Variants in PARD3 observed in about 807,000 individuals in gnomAD.
PARD3 encodes the protein partitioning defective 3 homolog.
Under a neutral mutation model 155.4 loss-of-function variants are expected in PARD3, and 75 were observed. That is an observed-to-expected ratio of 0.48 (90% CI 0.40 to 0.58). PARD3 has a LOEUF of 0.58. Ranked by LOEUF, PARD3 falls within the 20% of genes least tolerant of loss-of-function variation. PARD3 has a pLI of 0.00. For synonymous variants in PARD3, 576 were observed against 610.5 expected, an observed-to-expected ratio of 0.94 and a Z score of 0.83; for missense variants, 1,642 against 1,721.7, an observed-to-expected ratio of 0.95 and a Z score of 0.82.
At chr10:34,147,937 CA>C (rs1948597185) in intron 22 of PARD3, among the ~76,000 whole-genome samples, 1 of 152,066 alleles carries the variant, frequency 6.6e-6, no homozygotes, top group African/African-American at 2.4e-5. Flanking sequence ...AAGAATGGAG[CA>C]AAACATCTGC....
chr10:34,783,846 T>C (rs1318211827), intron 1 of PARD3, among the ~76,000 whole-genome samples: 2 of 152,058 alleles, frequency 1.3e-5, no homozygotes, highest in African/African-American at 2.4e-5. Context: ...AGACTATATA[T>C]GTAACAGCAA....
chr10:34,561,600 C>G, intron 2 of PARD3, among the ~76,000 whole-genome samples: 1 of 151,752 alleles, frequency 6.6e-6, no homozygotes, highest in East Asian at 2.0e-4. Flanking sequence ...CTCACTGCAA[C>G]CTCTGCCTCC....
chr10:34,204,646 A>T (rs1263382066), intron 22 of PARD3, among the ~76,000 whole-genome samples: 1 of 152,140 alleles, frequency 6.6e-6, no homozygotes, highest in Non-Finnish European at 1.5e-5. Context: ...CTTGGAACAC[A>T]TATTCAGATG....
At chr10:34,525,838 T>C (rs1309999392) in intron 2 of PARD3, among the ~76,000 whole-genome samples, 2 of 151,662 alleles carry the variant, frequency 1.3e-5, no homozygotes, top group Non-Finnish European at 2.9e-5. Flanking sequence ...ATTCCAGCAC[T>C]TTGGGAGGTA....
intron 2 of PARD3, among the ~76,000 whole-genome samples, chr10:34,637,388 C>A (rs1351455114): frequency 6.6e-6 from 1 of 152,180 alleles, no homozygotes; most frequent in Non-Finnish European, 1.5e-5. Context: ...GAATGTTGTA[C>A]AATGAGAAAC....
At chr10:34,763,925 T>G (rs536317499) in intron 1 of PARD3, among the ~76,000 whole-genome samples, 2 of 152,386 alleles carry the variant, frequency 1.3e-5, no homozygotes, top group South Asian at 4.1e-4. Flanking sequence ...CCCAGCCATA[T>G]ACTAATAAGA....
chr10:34,718,056 A>C (rs1481026883), intron 1 of PARD3, among the ~76,000 whole-genome samples: 2 of 149,660 alleles, frequency 1.3e-5, no homozygotes, highest in Non-Finnish European at 3.0e-5. Context: ...TGGGAGGCTG[A>C]GGCAGGTGAA....
chr10:34,685,552 C>T (rs556871101), intron 2 of PARD3, among the ~76,000 whole-genome samples: 151 of 151,644 alleles, frequency 1.0e-3, no homozygotes, highest in Non-Finnish European at 1.4e-3. Flanking sequence ...GTGGCTTAAA[C>T]ATTCTAAGGG....
At chr10:34,734,797 AT>A (rs1252239420) in intron 1 of PARD3, among the ~76,000 whole-genome samples, 1 of 152,178 alleles carries the variant, frequency 6.6e-6, no homozygotes, top group African/African-American at 2.4e-5. Flanking sequence ...AAAAGAGAAT[AT>A]GTTTGCAATT....
chr10:34,122,791 G>A (rs1947076578), intron 23 of PARD3, among the ~76,000 whole-genome samples: 2 of 152,040 alleles, frequency 1.3e-5, no homozygotes, highest in Non-Finnish European at 2.9e-5. Flanking sequence ...TTTAAATGAA[G>A]ACCTCTTAAA....
chr10:34,639,855 GACACAC>G (rs139829298), intron 2 of PARD3, among the ~76,000 whole-genome samples: 3 of 150,216 alleles, frequency 2.0e-5, no homozygotes, highest in African/African-American at 7.3e-5. Context: ...AACAGAGTAA[GACACAC>G]ACACACACAC....
chr10:34,328,590 C>T (rs1049195352), intron 19 of PARD3, among the ~76,000 whole-genome samples: 2 of 152,076 alleles, frequency 1.3e-5, no homozygotes. Flanking sequence ...GTGGCCTTTC[C>T]CACTCTCCAA....
At chr10:34,173,496 C>T (rs1949897449) in intron 22 of PARD3, among the ~76,000 whole-genome samples, 1 of 152,124 alleles carries the variant, frequency 6.6e-6, no homozygotes, top group Non-Finnish European at 1.5e-5. Context: ...TAACTTTTTT[C>T]CTCCACCTGG....
At chr10:34,537,074 C>T (rs1390745942) in intron 2 of PARD3, among the ~76,000 whole-genome samples, 1 of 152,196 alleles carries the variant, frequency 6.6e-6, no homozygotes, top group Non-Finnish European at 1.5e-5. Context: ...TGTAACTAAG[C>T]TCACTGCAAC....
intron 22 of PARD3, among the ~76,000 whole-genome samples, chr10:34,237,658 T>G (rs1405020181): frequency 2.6e-5 from 4 of 152,192 alleles, no homozygotes; most frequent in African/African-American, 9.6e-5. Context: ...TGAATATAAC[T>G]CTGAAATTTT....
intron 20 of PARD3, among the ~76,000 whole-genome samples, chr10:34,309,910 A>AC (rs1957616456): frequency 6.6e-6 from 1 of 151,424 alleles, no homozygotes; most frequent in South Asian, 2.1e-4. Context: ...AAAAAAAAAA[A>AC]AAAACTGCAA....
intron 9 of PARD3, among the ~76,000 whole-genome samples, chr10:34,380,015 T>G (rs1841664324): frequency 6.6e-6 from 1 of 152,106 alleles, no homozygotes; most frequent in South Asian, 2.1e-4. Flanking sequence ...GAACTGAATC[T>G]GAAGTTTAAC....
intron 7 of PARD3, among the ~76,000 whole-genome samples, chr10:34,386,281 T>C (rs1842338709): frequency 6.6e-6 from 1 of 152,196 alleles, no homozygotes; most frequent in Non-Finnish European, 1.5e-5. Flanking sequence ...TAGTTACTTA[T>C]TATCATTTAT....
chr10:34,149,718 A>G (rs984285825), intron 22 of PARD3, among the ~76,000 whole-genome samples: 8 of 152,148 alleles, frequency 5.3e-5, no homozygotes, highest in Admixed American at 6.5e-5. Context: ...CTGTTTCACA[A>G]TTTATCTATT....
Sources: gnomAD v4.1 joint callset for allele counts (sites outside exome capture counted in the v4.1 genomes callset) on GRCh38, gnomAD v4.1.1 for gene constraint, MANE v1.5 for transcripts, NCBI Gene and HGNC (gene_info 2026-07-23, HGNC 2026-07-21) for gene names.